The following TAFA2 variants were observed in gnomAD, a reference collection of about 807,000 sequenced individuals.
TAFA2 encodes TAFA chemokine like family member 2.
A neutral mutation model predicts 18.8 loss-of-function variants in TAFA2; 7 were observed. The observed-to-expected ratio is 0.37, with a 90% CI of 0.21 to 0.70. The LOEUF (loss-of-function observed/expected upper bound fraction) is 0.70. Ranked by LOEUF, TAFA2 falls within the 30% of genes least tolerant of loss-of-function variation. TAFA2 has a pLI of 0.53. For synonymous variants in TAFA2, 60 were observed against 54.2 expected (o/e 1.11, Z -0.47); for missense variants, 122 against 158.1 (o/e 0.77, Z 1.23).
chr12:62,237,619 C>T (rs1005757211), intron 1 of TAFA2, among the ~76,000 whole-genome samples: 1 of 152,182 alleles, frequency 6.6e-6, no homozygotes, highest in Admixed American at 6.6e-5. Flanking sequence ...TGTTGCTTCA[C>T]TTTGAAGAAT....
chr12:61,818,152 C>T (rs1196873950), intron 2 of TAFA2, among the ~76,000 whole-genome samples: 4 of 152,178 alleles, frequency 2.6e-5, no homozygotes, highest in Non-Finnish European at 5.9e-5. Context: ...AAAGCCTCGA[C>T]TTTCTCTTTA....
chr12:61,935,340 T>A (rs1877718578), intron 1 of TAFA2, among the ~76,000 whole-genome samples: 1 of 149,178 alleles, frequency 6.7e-6, no homozygotes, highest in Non-Finnish European at 1.5e-5. Context: ...ACTGTCTATA[T>A]CTTTGGAAAA....
At chr12:61,723,458 C>T (rs1053137915) in intron 4 of TAFA2, among the ~76,000 whole-genome samples, 5 of 152,094 alleles carry the variant, frequency 3.3e-5, no homozygotes, top group East Asian at 1.9e-4. Context: ...AAGCTAGAAT[C>T]GATATTTGGA....
At chr12:61,775,999 CT>C in intron 2 of TAFA2, 1 of 318,154 alleles carries the variant, frequency 3.1e-6, no homozygotes, top group Non-Finnish European at 6.1e-6. Flanking sequence ...GGAGTTGTTC[CT>C]TTGACCACAC....
intron 1 of TAFA2, among the ~76,000 whole-genome samples, chr12:62,109,261 G>C (rs886373122): frequency 1.5e-4 from 23 of 152,092 alleles, no homozygotes; most frequent in African/African-American, 4.3e-4. Flanking sequence ...GCTTGTTTTT[G>C]TCAGGTTTGT....
chr12:61,803,956 C>CAT (rs1422995539), intron 2 of TAFA2, among the ~76,000 whole-genome samples: 2 of 151,992 alleles, frequency 1.3e-5, no homozygotes, highest in African/African-American at 4.8e-5. Context: ...ACTCATCTTA[C>CAT]ATATGTTAAT....
intron 1 of TAFA2, among the ~76,000 whole-genome samples, chr12:62,051,098 G>C (rs75939334): frequency 0.024 from 3,617 of 152,126 alleles, 140 homozygotes; most frequent in African/African-American, 0.082. Context: ...TTATACCAGA[G>C]GAAAAAAATT....
chr12:61,904,498 G>T lies in TAFA2; in HGVS notation c.-1-37072C>A, dbSNP rs529501751. On this transcript the variant is annotated intron_variant, in intron 1 of 4. Coordinates refer to ENST00000416284, the MANE Select transcript of TAFA2 (RefSeq NM_178539.5). Reference sequence around the variant, plus strand: ...CCCAGGTGCTGTGGTAGGTGCTAGGGCTCTAAAAATAAAGTAAGATTTGGT... The same window carrying T: ...CCCAGGTGCTGTGGTAGGTGCTAGGTCTCTAAAAATAAAGTAAGATTTGGT... Among the ~76,000 whole-genome samples the T allele has an allele frequency of 6.5e-3, 994 of 152,202 alleles. 6 individuals are homozygous for T. Among genetic ancestry groups the T allele is most frequent in the Non-Finnish European group, 0.011 (753 of 68,016 alleles).
chr12:61,995,873 A>AATAC (rs1054189125), intron 1 of TAFA2, among the ~76,000 whole-genome samples: 3 of 151,958 alleles, frequency 2.0e-5, no homozygotes, highest in African/African-American at 7.3e-5. Flanking sequence ...TTCTGTAACA[A>AATAC]ATAAATAAGC....
At chr12:62,167,090 AG>A (rs2062445788) in intron 1 of TAFA2, among the ~76,000 whole-genome samples, 1 of 152,130 alleles carries the variant, frequency 6.6e-6, no homozygotes, top group Non-Finnish European at 1.5e-5. Context: ...ATGGAGAAAA[AG>A]TTGTGTGGAG....
intron 1 of TAFA2, among the ~76,000 whole-genome samples, chr12:61,917,095 A>C (rs527372461): frequency 1.8e-4 from 28 of 152,298 alleles, no homozygotes; most frequent in African/African-American, 6.5e-4. Flanking sequence ...AGGATAGGAG[A>C]GGGAAATGAA....
At chr12:61,779,818 C>T (rs1004668133) in intron 2 of TAFA2, among the ~76,000 whole-genome samples, 5 of 151,634 alleles carry the variant, frequency 3.3e-5, no homozygotes, top group African/African-American at 1.2e-4. Context: ...GGCCACTAGC[C>T]CTCACTCTCA....
At chr12:62,158,568 A>T (rs1336209296) in intron 1 of TAFA2, among the ~76,000 whole-genome samples, 1 of 152,202 alleles carries the variant, frequency 6.6e-6, no homozygotes, top group African/African-American at 2.4e-5. Context: ...ACTTTCCTAG[A>T]CTAAGGACTC....
chr12:62,204,888 T>A (rs954792318), intron 1 of TAFA2, among the ~76,000 whole-genome samples: 3 of 152,136 alleles, frequency 2.0e-5, no homozygotes, highest in African/African-American at 7.2e-5. Context: ...GCTATGATCA[T>A]TTGGAGGAGA....
intron 1 of TAFA2, among the ~76,000 whole-genome samples, chr12:62,106,810 C>T (rs1284487587): frequency 6.6e-6 from 1 of 152,158 alleles, no homozygotes; most frequent in Non-Finnish European, 1.5e-5. Context: ...TCAGGAGTAG[C>T]AGCAGCAATT....
chr12:62,165,465 A>G (rs2062432476), intron 1 of TAFA2, among the ~76,000 whole-genome samples: 1 of 152,098 alleles, frequency 6.6e-6, no homozygotes, highest in Non-Finnish European at 1.5e-5. Context: ...CTTGAGCCCT[A>G]GTCTTTCCTG....
chr12:61,803,319 T>C (rs1181104791), intron 2 of TAFA2, among the ~76,000 whole-genome samples: 1 of 151,880 alleles, frequency 6.6e-6, no homozygotes, highest in Non-Finnish European at 1.5e-5. Flanking sequence ...TGCAATAGAA[T>C]AGAAAATGTA....
intron 1 of TAFA2, among the ~76,000 whole-genome samples, chr12:61,925,426 A>C (rs1877246564): frequency 6.6e-6 from 1 of 152,244 alleles, no homozygotes; most frequent in Non-Finnish European, 1.5e-5. Context: ...CTCAGGATTT[A>C]AAAACTCATT....
In TAFA2 at chr12:61,737,873, C is replaced by T. The variant is rs1868329846; in HGVS notation, c.384+15749G>A. Among the ~76,000 whole-genome samples, 3 of 152,032 alleles carry T rather than the reference C, an allele frequency of 2.0e-5. 1 individual carries two copies. In the South Asian group the frequency reaches 6.2e-4, roughly 32 times the overall value. The stretch of plus-strand genomic sequence containing the variant: ...TCTTTAATACTATCATTATCCTTCA[C>T]AAAGCATAGAACAAAGCTTGCTCTA... On this transcript the variant is annotated intron_variant, in intron 4 of 4. Transcript: ENST00000416284.
Sources: allele counts gnomAD v4.1 joint callset (sites outside exome capture counted in the v4.1 genomes callset), GRCh38; gene constraint gnomAD v4.1.1; transcripts MANE v1.5; gene names NCBI Gene and HGNC (gene_info 2026-07-23, HGNC 2026-07-21).